Variants in BCORL1 observed in about 807,000 individuals in gnomAD.
BCORL1 encodes the protein BCL-6 corepressor-like protein 1.
In BCORL1, 7 loss-of-function variants were observed where a neutral mutation model predicts 87.6. That is an observed-to-expected ratio of 0.08 (90% confidence interval 0.05 to 0.15). BCORL1 has a LOEUF of 0.15. Among genes scored for constraint, BCORL1 ranks in the 10% least tolerant of loss-of-function variants. The probability of loss-of-function intolerance (pLI) is 1.00; values close to 1 mark genes in which losing one functional copy is unlikely to be tolerated. For missense variants in BCORL1, 1,215 were observed against 1,499.7 expected (o/e 0.81, Z 3.13); for synonymous variants, 591 against 634.4 (o/e 0.93, Z 1.03).
intron 1 of BCORL1, among the ~76,000 whole-genome samples, 199 bp downstream of exon 1, chrX:129,982,961 C>T (rs1267256760): frequency 2.8e-5 from 3 of 108,803 alleles, no homozygotes; most frequent in Non-Finnish European, 3.8e-5. Context: ...TATCCCCCCA[C>T]CCGCTTCTTT....
Position 130,014,919 on chromosome X carries a change from C to T in BCORL1, c.2147C>T (p.Thr716Ile). Residue 716 changes from threonine (T) to isoleucine (I), a missense_variant, in exon 4 of 14, where the codon ACC becomes ATC. By Grantham distance (89) the Thr-to-Ile change is moderately conservative. Around this residue, in one of 5 missense-constraint regions of BCORL1, gnomAD observed 861 missense variants for 1,010.0 expected, o/e 0.85. Transcript: ENST00000540052. ...GCACTGATCAGCACCATTCCTGGCA[C>T]CTACGTGGGAGTGGCCAACCCAGTG... ...STALISTIPG[T>I]YVGVANPVPA... The T allele has an allele frequency of 8.3e-7, 1 of 1,211,656 alleles. No homozygotes were observed.
chrX:129,981,438 G>C (rs2051574538), upstream of BCORL1: 1 of 110,988 alleles, frequency 9.0e-6, no homozygotes, highest in African/African-American at 3.3e-5. Context: ...GTCGCTTCGA[G>C]TCGCATGGAC....
At chrX:130,008,026 T>G (rs1364031154) in intron 2 of BCORL1, among the ~76,000 whole-genome samples, 2 of 109,272 alleles carry the variant, frequency 1.8e-5, no homozygotes, top group Non-Finnish European at 3.8e-5. Flanking sequence ...TGGGTTCAAG[T>G]GATTCTCGTG....
At chrX:130,011,104 G>A (rs1484950117) in intron 2 of BCORL1, among the ~76,000 whole-genome samples, 1 of 106,402 alleles carries the variant, frequency 9.4e-6, no homozygotes, top group African/African-American at 3.4e-5. Context: ...GGCACACAGA[G>A]CAGTCCTGTG....
At chrX:130,049,089 T>C (rs1931926162) in intron 11 of BCORL1, among the ~76,000 whole-genome samples, 1 of 112,744 alleles carries the variant, frequency 8.9e-6, no homozygotes, top group African/African-American at 3.2e-5. Flanking sequence ...CTGCCATGAA[T>C]AGAACTGCTA....
chrX:130,014,058 C>A lies in BCORL1; in HGVS notation c.1286C>A (p.Ala429Asp). The A allele has an allele frequency of 8.3e-7, 1 of 1,208,468 alleles. No individual in the cohort carries two copies. The highest frequency in any genetic ancestry group is 1.1e-6 in the Non-Finnish European group (1 of 893,290). Reference protein sequence around the residue: ...RVCFPAAQAPAMQKVPLSFQP... With the variant: ...RVCFPAAQAPDMQKVPLSFQP... ...TGCTTTCCTGCAGCTCAGGCACCAG[C>A]TATGCAAAAAGTCCCCCTGTCCTTT... is the stretch of plus-strand genomic sequence containing the variant. Residue 429 changes from alanine (A) to aspartate (D), a missense_variant, in exon 4 of 14, where the codon GCT becomes GAT. By Grantham distance (126) the Ala-to-Asp change is moderately radical. Transcript: ENST00000540052.
chrX:129,984,235 C>T (rs1926403798), intron 1 of BCORL1, among the ~76,000 whole-genome samples: 1 of 105,944 alleles, frequency 9.4e-6, no homozygotes, highest in African/African-American at 3.4e-5. Context: ...CCGCCGCCGC[C>T]GCCGCCGCTT....
intron 4 of BCORL1, among the ~76,000 whole-genome samples, chrX:130,017,205 C>T (rs907874630): frequency 2.7e-5 from 3 of 110,776 alleles, no homozygotes; most frequent in African/African-American, 9.9e-5. Context: ...TGGACCTGAC[C>T]TCTGCCCCAT....
intron 6 of BCORL1, among the ~76,000 whole-genome samples, chrX:130,023,773 C>T (rs1214947534): frequency 8.9e-6 from 1 of 112,482 alleles, no homozygotes; most frequent in Non-Finnish European, 1.9e-5. Context: ...ACACATTGTA[C>T]TGTATTTGAT....
At position 130,022,236 on chromosome X, in the gene BCORL1, C is replaced by CTTTCT. The variant is rs1393042893; in HGVS notation, c.3608-658_3608-657insCTTTT. ...CTTTGTTTATTTTCTTTCTTTCTTTCTTTTTTTTTTTTTTTTTTTTTTTTT... is the reference window on the plus strand; with the variant it reads ...CTTTGTTTATTTTCTTTCTTTCTTTCTTTCTTTTTTTTTTTTTTTTTTTTTTTTTT... On this transcript the variant is annotated intron_variant, in intron 5 of 13. Transcript: ENST00000540052. 8.5e-4 allele frequency among the ~76,000 whole-genome samples: 48 copies of CTTTCT among 56,321 alleles called. 2 individuals carry two copies. The highest frequency in any genetic ancestry group is 3.4e-3 in the African/African-American group (45 of 13,299). The allele number at this position is 56,321 out of a possible 115,157, so 48.9% of individuals were successfully genotyped here.
chrX:129,993,202 G>C (rs781661772), intron 1 of BCORL1, among the ~76,000 whole-genome samples: 46 of 112,044 alleles, frequency 4.1e-4, no homozygotes, highest in Non-Finnish European at 8.3e-4. Flanking sequence ...TAAGTTTTGC[G>C]TGACATCTAG....
chrX:130,053,393 C>G lies in BCORL1; in HGVS notation c.5075+1377C>G, dbSNP rs1458659857. On this transcript the variant is annotated intron_variant, in intron 13 of 13. Transcript: ENST00000540052. ...TCAGGGGCTTTTGGTCCTTATTCTT[C>G]TGGGCATAAGCTGATCCCTGAGGAC... Among the ~76,000 whole-genome samples the G allele has an allele frequency of 2.7e-5, 3 of 109,486 alleles. No homozygotes were observed. In the Admixed American group the frequency reaches 2.9e-4, roughly 11 times the overall value.
intron 13 of BCORL1, among the ~76,000 whole-genome samples, chrX:130,054,552 A>G (rs1054662447): frequency 1.0e-4 from 11 of 110,454 alleles, no homozygotes; most frequent in Non-Finnish European, 1.7e-4. Flanking sequence ...TGTGTGTGAG[A>G]GAGAGACAGA....
rs1366838838 is a variant in BCORL1, at chrX:130,057,575, G to T, written c.*1439G>T. 9.2e-6 allele frequency: 1 copy of T among 108,853 alleles called. No individual in the cohort carries two copies. The highest frequency in any genetic ancestry group is 3.4e-5 in the African/African-American group (1 of 29,576). The allele number at this position is 108,853 out of a possible 1,213,427, so 9.0% of individuals were successfully genotyped here. A position where few individuals can be genotyped will look rare whatever the true frequency, so the allele number is the denominator to read the frequency against. ...CCGTGGCCGGCTCTGGTTGGAGATG[G>T]TACAGTTTTATTGTACAGGTGCTAA... On this transcript the variant is annotated 3_prime_UTR_variant, in exon 14 of 14. Transcript: ENST00000540052.
intron 1 of BCORL1, among the ~76,000 whole-genome samples, chrX:129,987,064 C>T (rs1416930412): frequency 6.3e-5 from 7 of 111,391 alleles, no homozygotes; most frequent in Non-Finnish European, 9.4e-5. Context: ...TCACTGGTCC[C>T]ATGTAAGGGC....
chrX:130,014,996 C>T lies in BCORL1; in HGVS notation c.2224C>T (p.Pro742Ser). Residue 742 changes from proline (P) to serine (S), a missense_variant, in exon 4 of 14, where the codon CCC (proline) becomes TCC (serine). Physicochemically the swap from Pro to Ser is moderately conservative, Grantham distance 74. Coordinates refer to ENST00000540052, the MANE Select transcript of BCORL1 (RefSeq NM_001379451.1). ...CCCCAACCTGGGCCTCAACCGTGAC[C>T]CCCGCCATCTCCCCAAGCAGGAGCC... ...KDPNLGLNRD[P>S]RHLPKQEPIS... is the part of the protein sequence containing the mutation. 2 of 1,211,810 alleles carry T rather than the reference C, an allele frequency of 1.7e-6. No individual in the cohort carries two copies. The highest frequency in any genetic ancestry group is 2.2e-6 in the Non-Finnish European group (2 of 895,541).
At chrX:130,042,815 T>C (rs1474823809) in intron 11 of BCORL1, among the ~76,000 whole-genome samples, 1 of 108,561 alleles carries the variant, frequency 9.2e-6, no homozygotes, top group African/African-American at 3.4e-5. Context: ...CTACTAAAAA[T>C]ACAAAAGTTA....
intron 11 of BCORL1, among the ~76,000 whole-genome samples, chrX:130,047,068 C>T (rs769774062): frequency 1.4e-4 from 16 of 111,486 alleles, no homozygotes; most frequent in Admixed American, 1.3e-3. Context: ...CGTGTGTTAG[C>T]AGGTTTCAAT....
At chrX:129,983,301 C>G (rs1926275692) in intron 1 of BCORL1, among the ~76,000 whole-genome samples, 1 of 109,432 alleles carries the variant, frequency 9.1e-6, no homozygotes, top group Non-Finnish European at 1.9e-5. Context: ...GGAATTACCC[C>G]ACTCCTCGGA....
Sources: gnomAD v4.1 joint callset for allele counts (sites outside exome capture counted in the v4.1 genomes callset) on GRCh38, gnomAD v4.1.1 for gene constraint, gnomAD v4.1.1 regional missense constraint, MANE v1.5 for transcripts, NCBI Gene and HGNC (gene_info 2026-07-23, HGNC 2026-07-21) for gene names.